NECAB2: variants seen among roughly 807,000 people sequenced by gnomAD.
NECAB2 encodes N-terminal EF-hand calcium binding protein 2.
NECAB2 carries 68 observed loss-of-function variants against 51.9 expected under a neutral mutation model. The observed-to-expected ratio is 1.31, with a 90% CI of 1.08 to 1.60. The LOEUF (loss-of-function observed/expected upper bound fraction) is 1.60. Among genes scored for constraint, NECAB2 ranks in the 40% most tolerant of loss-of-function variants. The pLI is 0.00. For synonymous variants in NECAB2, 329 were observed against 203.5 expected, an observed-to-expected ratio of 1.62 and a Z score of -5.25; for missense variants, 854 against 490.3, an observed-to-expected ratio of 1.74 and a Z score of -7.00.
chr16:83,986,465 G>A (rs2084557034), intron 5 of NECAB2, among the ~76,000 whole-genome samples: 1 of 152,090 alleles, frequency 6.6e-6, no homozygotes, highest in South Asian at 2.1e-4. Flanking sequence ...ACTATCCCAG[G>A]GCAACAACCA....
intron 9 of NECAB2, among the ~76,000 whole-genome samples, chr16:83,997,846 A>G (rs28594964): frequency 0.37 from 55,490 of 152,012 alleles, 10,669 homozygotes; most frequent in Non-Finnish European, 0.42. Context: ...CAAAGTGATC[A>G]GCCAGACAGT....
At chr16:83,997,382 G>A (rs1214548999) in intron 9 of NECAB2, 113 bp downstream of exon 9, 1 of 1,379,048 alleles carries the variant, frequency 7.3e-7, no homozygotes, top group Non-Finnish European at 1.0e-6. Context: ...GGGACCACCA[G>A]GAGGGGAGAT....
At chr16:83,994,018 C>T (rs1432447131) in intron 6 of NECAB2, among the ~76,000 whole-genome samples, 1 of 152,194 alleles carries the variant, frequency 6.6e-6, no homozygotes, top group Admixed American at 6.5e-5. Flanking sequence ...CTGGCTCAGC[C>T]TCACTCTGGA....
At chr16:83,969,578 C>G (rs992374248) in intron 1 of NECAB2, among the ~76,000 whole-genome samples, 1 of 152,080 alleles carries the variant, frequency 6.6e-6, no homozygotes, top group Admixed American at 6.5e-5. Flanking sequence ...CTCACCCCTC[C>G]TAACTCCCCT....
chr16:83,993,766 G>A (rs1597219133), intron 6 of NECAB2, among the ~76,000 whole-genome samples: 1 of 152,056 alleles, frequency 6.6e-6, no homozygotes, highest in African/African-American at 2.4e-5. Context: ...GCCGGGAGAT[G>A]GGGCCAGGCC....
intron 8 of NECAB2, among the ~76,000 whole-genome samples, chr16:83,996,017 G>T (rs1404773058): frequency 6.6e-6 from 1 of 152,208 alleles, no homozygotes; most frequent in Non-Finnish European, 1.5e-5. Flanking sequence ...GTGGGACCAG[G>T]TCCTCCTCCC....
chr16:83,979,845 G>T (rs1042178621), intron 3 of NECAB2, among the ~76,000 whole-genome samples: 2 of 152,142 alleles, frequency 1.3e-5, no homozygotes, highest in Admixed American at 6.5e-5. Context: ...TAAGGTGTGA[G>T]CCACGAACAT....
intron 12 of NECAB2, 63 bp from the exon 13 acceptor site, chr16:84,002,255 C>G: frequency 6.3e-7 from 1 of 1,581,764 alleles, no homozygotes; most frequent in South Asian, 1.1e-5. Context: ...AAGACGACCA[C>G]CACCAGCTAC....
At chr16:83,994,973 C>T (rs935389165) in intron 8 of NECAB2, among the ~76,000 whole-genome samples, 38 of 152,258 alleles carry the variant, frequency 2.5e-4, no homozygotes, top group African/African-American at 8.4e-4. Context: ...AGAGGGTGGT[C>T]AGCAGGGTCC....
intron 11 of NECAB2, among the ~76,000 whole-genome samples, chr16:84,001,539 C>A (rs1369433619): frequency 6.6e-6 from 1 of 152,086 alleles, no homozygotes; most frequent in African/African-American, 2.4e-5. Flanking sequence ...AGAGGATGGC[C>A]CCACTCCTCC....
At chr16:83,979,442 TG>T (rs2084456775) in intron 3 of NECAB2, among the ~76,000 whole-genome samples, 3 of 152,058 alleles carry the variant, frequency 2.0e-5, no homozygotes. Flanking sequence ...GAGAGAGTCC[TG>T]GGGGGCACTG....
Position 83,990,536 on chromosome 16 carries a change from T to A in NECAB2, c.502T>A (p.Phe168Ile). 6.2e-7 allele frequency: 1 copy of A among 1,614,168 alleles called. No individual in the cohort carries two copies. The highest frequency in any genetic ancestry group is 8.5e-7 in the Non-Finnish European group (1 of 1,180,038). The change falls in exon 6 of 13, where the codon TTC becomes ATC. Residue 168 changes from phenylalanine (F) to isoleucine (I), a missense_variant. Transcript: ENST00000305202. ...GSNVDQFVTR[F>I]LLKETANQIQ... ...CAACGTGGACCAGTTTGTGACCCGC[T>A]TCCTCCTGAAGGAGACGGCCAATCA... is the stretch of plus-strand genomic sequence containing the variant.
chr16:83,972,864 C>T lies in NECAB2; in HGVS notation c.226+689C>T, dbSNP rs2250573. Among the ~76,000 whole-genome samples the T allele has an allele frequency of 9.2e-5, 14 of 152,192 alleles. No individual in the cohort carries two copies. In the East Asian group the frequency reaches 2.1e-3, roughly 23 times the overall value. On this transcript the variant is annotated intron_variant, in intron 2 of 12. Transcript: ENST00000305202. ...CCTTGAGAGAATAAGCACGTTTAGG[C>T]GGCCCAGCTGAGCCTCGGCTGACAA...
chr16:83,986,753 G>C (rs67428446), intron 5 of NECAB2, among the ~76,000 whole-genome samples: 46,491 of 150,574 alleles, frequency 0.31, 13,616 homozygotes, highest in African/African-American at 0.78. Context: ...CTCCTGGGCT[G>C]AAGCAATCAT....
chr16:83,994,740 G>T, intron 8 of NECAB2, 52 bp downstream of exon 8: 1 of 1,581,724 alleles, frequency 6.3e-7, no homozygotes, highest in South Asian at 1.1e-5. Context: ...CTGAGGGAGT[G>T]CAGAGTTAAG....
intron 3 of NECAB2, 75 bp downstream of exon 3, chr16:83,978,627 G>A (rs79112583): frequency 0.017 from 21,647 of 1,284,096 alleles, 227 homozygotes; most frequent in African/African-American, 0.03. Context: ...TCTAGTGTCC[G>A]TTCCTAGTCC....
Position 84,002,750 on chromosome 16 carries a change from G to T in NECAB2, c.*404G>T, listed in dbSNP as rs1012414162. The T allele has an allele frequency of 1.4e-5, 3 of 217,312 alleles. No individual in the cohort carries two copies. In the South Asian group the frequency reaches 2.8e-4, roughly 20 times the overall value. 13.5% of individuals were successfully genotyped at this position (217,312 alleles called of 1,614,324 possible). On this transcript the variant is annotated 3_prime_UTR_variant, in exon 13 of 13. Transcript: ENST00000305202. ...GCCAGGTAGCCACCACTGTGCCCAGGCGCCAAATAAACCCTGGTTGGGAAG... is the reference window on the plus strand; with the variant it reads ...GCCAGGTAGCCACCACTGTGCCCAGTCGCCAAATAAACCCTGGTTGGGAAG...
intron 5 of NECAB2, among the ~76,000 whole-genome samples, chr16:83,989,623 C>A (rs922666255): frequency 6.6e-6 from 1 of 152,100 alleles, no homozygotes; most frequent in Non-Finnish European, 1.5e-5. Flanking sequence ...GACCCAAGAT[C>A]CCCCAACACA....
rs370823673 is a variant in NECAB2, at chr16:83,982,893, CAG to C, written c.459+1769_459+1770del. On this transcript the variant is annotated intron_variant, in intron 5 of 12. Coordinates refer to ENST00000305202, the MANE Select transcript of NECAB2 (RefSeq NM_019065.3). ...TTTTTCTTTTTCTTTTTTTTTGAGACAGAGTCTCACTCTTGTCCAGGCTGGAG... is the reference window on the plus strand; with the variant it reads ...TTTTTCTTTTTCTTTTTTTTTGAGACAGTCTCACTCTTGTCCAGGCTGGAG... 7.6e-3 allele frequency among the ~76,000 whole-genome samples: 1,137 copies of C among 150,246 alleles called. 14 individuals carry two copies. Among genetic ancestry groups the C allele is most frequent in the African/African-American group, 0.027 (1,102 of 40,856 alleles).
Sources: gnomAD v4.1 joint callset for allele counts (sites outside exome capture counted in the v4.1 genomes callset) on GRCh38, gnomAD v4.1.1 for gene constraint, MANE v1.5 for transcripts, NCBI Gene and HGNC (gene_info 2026-07-23, HGNC 2026-07-21) for gene names.